Variants in BLM observed in about 807,000 individuals in gnomAD.
The protein encoded by BLM is BLM RecQ like helicase, also known as recQ-like DNA helicase BLM.
In BLM, 95 loss-of-function variants were observed where a neutral mutation model predicts 135.3. The ratio of observed to expected loss-of-function variants is 0.70; its 90% confidence interval spans 0.59 to 0.83. BLM has a LOEUF of 0.83. Ranked by LOEUF, BLM falls within the 40% of genes least tolerant of loss-of-function variation. The pLI is 0.00. For synonymous variants in BLM, 520 were observed against 589.2 expected (o/e 0.88, Z 1.70); for missense variants, 1,518 against 1,663.9 (o/e 0.91, Z 1.53).
chr15:90,771,428 A>G (rs1329294246), intron 12 of BLM, among the ~76,000 whole-genome samples: 1 of 152,184 alleles, frequency 6.6e-6, no homozygotes, highest in Admixed American at 6.5e-5. Context: ...CGGAGGTTGC[A>G]GTGAGCCAAG....
chr15:90,800,041 C>T (rs900373692), intron 17 of BLM, among the ~76,000 whole-genome samples: 13 of 152,178 alleles, frequency 8.5e-5, no homozygotes, highest in African/African-American at 3.1e-4. Flanking sequence ...GGTCAGCCTT[C>T]CCTGGTTTTT....
At chr15:90,751,502 G>A (rs1253166464) in intron 3 of BLM, among the ~76,000 whole-genome samples, 4 of 152,210 alleles carry the variant, frequency 2.6e-5, no homozygotes, top group Non-Finnish European at 2.9e-5. Context: ...AACTAGAAAC[G>A]TCAATAGCAA....
At chr15:90,786,677 G>T (rs181016298) in intron 14 of BLM, among the ~76,000 whole-genome samples, 1 of 151,988 alleles carries the variant, frequency 6.6e-6, no homozygotes, top group Non-Finnish European at 1.5e-5. Context: ...GTGCAGTGGC[G>T]CAATCTTGGC....
intron 1 of BLM, among the ~76,000 whole-genome samples, chr15:90,721,998 G>T (rs939623240): frequency 2.0e-5 from 3 of 149,798 alleles, no homozygotes; most frequent in African/African-American, 2.5e-5. Flanking sequence ...AATTTCGCTG[G>T]AAACCAAGAG....
In BLM at chr15:90,804,750, T is replaced by C. The variant is rs28745038; in HGVS notation, c.3751+391T>C. Among the ~76,000 whole-genome samples, 91 of 152,326 alleles carry C rather than the reference T, an allele frequency of 6.0e-4. 2 individuals are homozygous for C. In the East Asian group the frequency reaches 0.015, roughly 25 times the overall value. On this transcript the variant is annotated intron_variant, in intron 19 of 21. Transcript: ENST00000355112. The stretch of plus-strand genomic sequence containing the variant: ...AGAGTGCTGGGATTACAGATAAGCA[T>C]GAGCCACTGAGCCTGGCCTCAGTTG...
rs961578747 is a variant in BLM, at chr15:90,748,764, C to CT, written c.99-590dup. Among the ~76,000 whole-genome samples, 1,237 of 142,894 alleles carry CT rather than the reference C, an allele frequency of 8.7e-3. 5 individuals are homozygous for CT. Among genetic ancestry groups the CT allele is most frequent in the African/African-American group, 0.016 (629 of 39,136 alleles). The allele number at this position is 142,894 out of a possible 152,430, so 93.7% of individuals were successfully genotyped here. ...TGAATCTCTTCCGTTTTTCTTTTTT[C>CT]TTTTTTTTTTTTTGAGACAGTCTCG... On this transcript the variant is annotated intron_variant, in intron 2 of 21. Transcript: ENST00000355112.
intron 16 of BLM, among the ~76,000 whole-genome samples, chr15:90,794,992 C>G (rs1185942545): frequency 6.6e-6 from 1 of 151,996 alleles, no homozygotes; most frequent in Non-Finnish European, 1.5e-5. Flanking sequence ...ACTTATTTTA[C>G]CTATCTTGGT....
chr15:90,804,361 T>C lies in BLM; in HGVS notation c.3751+2T>C, dbSNP rs1897239414. The C allele has an allele frequency of 6.2e-7, 1 of 1,611,726 alleles. No homozygotes were observed. The highest frequency in any genetic ancestry group is 2.2e-5 in the East Asian group (1 of 44,878). ...CCGTCACTCTCAAGAAGCTTGCAGG[T>C]GGGTACACATGTATCCTTTGTTACG... is the stretch of plus-strand genomic sequence containing the variant. On this transcript the variant is annotated splice_donor_variant, in intron 19 of 21. Coordinates refer to ENST00000355112, the MANE Select transcript of BLM (RefSeq NM_000057.4). LOFTEE classifies it high-confidence loss of function.
chr15:90,751,715 A>G, intron 3 of BLM, 72 bp from the exon 4 acceptor site: 2 of 1,357,844 alleles, frequency 1.5e-6, no homozygotes, highest in Non-Finnish European at 2.1e-6. Flanking sequence ...CTCATTCTTA[A>G]TCGCTCATGC....
At chr15:90,742,610 T>C (rs777243383) in intron 1 of BLM, among the ~76,000 whole-genome samples, 25 of 152,190 alleles carry the variant, frequency 1.6e-4, no homozygotes, top group Non-Finnish European at 2.5e-4. Flanking sequence ...CTCTCTCTTT[T>C]TTTTTTAAAG....
intron 14 of BLM, among the ~76,000 whole-genome samples, chr15:90,787,754 A>T (rs1164118639): frequency 6.6e-6 from 1 of 152,094 alleles, no homozygotes; most frequent in Non-Finnish European, 1.5e-5. Context: ...GTTTGAGACC[A>T]GCCTGGCCAA....
At chr15:90,720,712 G>A (rs1000412570) in intron 1 of BLM, among the ~76,000 whole-genome samples, 2 of 152,000 alleles carry the variant, frequency 1.3e-5, no homozygotes, top group Middle Eastern at 6.8e-3. Context: ...TGGGAGTACA[G>A]GGGTGTACCA....
In BLM at chr15:90,749,611, C is replaced by T. The variant is rs1173491187; in HGVS notation, c.343C>T (p.Pro115Ser). The T allele has an allele frequency of 1.2e-5, 19 of 1,614,014 alleles. No individual in the cohort carries two copies. Among genetic ancestry groups the T allele is most frequent in the Non-Finnish European group, 1.6e-5 (19 of 1,180,044 alleles). ...ATTATTGCCAGATTTCTTGCAGACT[C>T]CGAAGGAAGTTGTATGCACTACCCA... Reference protein sequence around the residue: ...KSLLPDFLQTPKEVVCTTQNT... With the variant: ...KSLLPDFLQTSKEVVCTTQNT... The change falls in exon 3 of 22, where the codon CCG becomes TCG. Residue 115 changes from proline (P) to serine (S), a missense_variant. By Grantham distance (74) the Pro-to-Ser change is moderately conservative. Coordinates refer to ENST00000355112, the MANE Select transcript of BLM (RefSeq NM_000057.4).
At chr15:90,727,867 T>G (rs556898764) in intron 1 of BLM, among the ~76,000 whole-genome samples, 1 of 150,976 alleles carries the variant, frequency 6.6e-6, no homozygotes, top group South Asian at 2.1e-4. Flanking sequence ...AGCAAAATAT[T>G]GAACTTAGCT....
At chr15:90,804,086 C>A in intron 18 of BLM, 81 bp from the exon 19 acceptor site, 1 of 1,329,636 alleles carries the variant, frequency 7.5e-7, no homozygotes, top group Non-Finnish European at 1.1e-6. Context: ...CCCAAAAATG[C>A]AATTAAGCAT....
At chr15:90,761,517 A>G (rs1306933592) in intron 7 of BLM, among the ~76,000 whole-genome samples, 1 of 152,214 alleles carries the variant, frequency 6.6e-6, no homozygotes, top group Non-Finnish European at 1.5e-5. Context: ...GTGCCTTTGA[A>G]TTAACATTTT....
chr15:90,773,286 G>C (rs1378075076), intron 12 of BLM, among the ~76,000 whole-genome samples: 1 of 151,620 alleles, frequency 6.6e-6, no homozygotes, highest in Non-Finnish European at 1.5e-5. Context: ...CAGGTGTGGT[G>C]GTGGGCGCCT....
Position 90,729,076 on chromosome 15 carries a change from G to C in BLM, c.-5+11636G>C, listed in dbSNP as rs527358008. Among the ~76,000 whole-genome samples, 7 of 152,154 alleles carry C rather than the reference G, an allele frequency of 4.6e-5. No homozygotes were observed. In the South Asian group the frequency reaches 1.5e-3, roughly 32 times the overall value. ...TGTAATCCCAGCACTTTGAGAGGCC[G>C]AGGCGGGCAGGTCACCTGAGGTCGG... On this transcript the variant is annotated intron_variant, in intron 1 of 21. Coordinates refer to ENST00000355112, the MANE Select transcript of BLM (RefSeq NM_000057.4).
At chr15:90,770,157 A>G (rs1203801936) in intron 12 of BLM, among the ~76,000 whole-genome samples, 1 of 149,578 alleles carries the variant, frequency 6.7e-6, no homozygotes, top group African/African-American at 2.5e-5. Flanking sequence ...AAAATCTACT[A>G]TAAAAGAAAT....
Sources: gnomAD v4.1 joint callset for allele counts (sites outside exome capture counted in the v4.1 genomes callset) on GRCh38, gnomAD v4.1.1 for gene constraint, MANE v1.5 for transcripts, NCBI Gene and HGNC (gene_info 2026-07-23, HGNC 2026-07-21) for gene names.